The following ANKS1B variants were observed in gnomAD, a reference collection of about 807,000 sequenced individuals.
The protein encoded by ANKS1B is ankyrin repeat and sterile alpha motif domain containing 1B.
ANKS1B carries 36 observed loss-of-function variants against 148.3 expected under a neutral mutation model. The observed-to-expected ratio is 0.24, with a 90% CI of 0.19 to 0.32. The LOEUF (loss-of-function observed/expected upper bound fraction) is 0.32. Ranked by LOEUF, ANKS1B falls within the 10% of genes least tolerant of loss-of-function variation. The probability of loss-of-function intolerance (pLI) is 1.00; values close to 1 mark genes in which losing one functional copy is unlikely to be tolerated. For synonymous variants in ANKS1B, 542 were observed against 560.8 expected, an observed-to-expected ratio of 0.97 and a Z score of 0.47; for missense variants, 1,157 against 1,542.6, an observed-to-expected ratio of 0.75 and a Z score of 4.19.
intron 10 of ANKS1B, among the ~76,000 whole-genome samples, chr12:99,453,134 C>CA (rs1391063785): frequency 4.0e-5 from 6 of 151,844 alleles, no homozygotes; most frequent in Admixed American, 2.6e-4. Flanking sequence ...ACTAAAAATA[C>CA]AAAAAATTAG....
At chr12:99,853,238 G>A (rs772300824) in intron 1 of ANKS1B, among the ~76,000 whole-genome samples, 2 of 152,074 alleles carry the variant, frequency 1.3e-5, no homozygotes, top group Non-Finnish European at 2.9e-5. Context: ...GAGCTGATGC[G>A]CTCTTGAAAG....
chr12:99,338,534 G>C (rs960406274), intron 12 of ANKS1B, among the ~76,000 whole-genome samples: 1 of 152,148 alleles, frequency 6.6e-6, no homozygotes, highest in Non-Finnish European at 1.5e-5. Context: ...TGACCAAGCT[G>C]GTGCCCAAGC....
intron 1 of ANKS1B, among the ~76,000 whole-genome samples, chr12:99,888,387 CAA>C (rs2092931267): frequency 6.6e-6 from 1 of 152,174 alleles, no homozygotes; most frequent in African/African-American, 2.4e-5. Context: ...CTCACACACA[CAA>C]AGACAAAATA....
At chr12:99,427,349 C>T (rs936137302) in intron 11 of ANKS1B, among the ~76,000 whole-genome samples, 1 of 152,174 alleles carries the variant, frequency 6.6e-6, no homozygotes, top group Non-Finnish European at 1.5e-5. Context: ...TGCATGCCTT[C>T]TGTCTGTTCC....
Position 99,806,710 on chromosome 12 carries a change from A to G in ANKS1B, c.373-10T>C. The G allele has an allele frequency of 1.3e-6, 2 of 1,587,164 alleles. No homozygotes were observed. Among genetic ancestry groups the G allele is most frequent in the Non-Finnish European group, 1.7e-6 (2 of 1,162,046 alleles). Reference sequence around the variant, plus strand: ...TTTCATTTTCATTGTTCTAAGACAAAGATTTTTAAAAAGGCACATTTTCAG... The same window carrying G: ...TTTCATTTTCATTGTTCTAAGACAAGGATTTTTAAAAAGGCACATTTTCAG... On this transcript the variant is annotated splice_polypyrimidine_tract_variant and intron_variant, in intron 3 of 26. Coordinates refer to ENST00000683438, the MANE Select transcript of ANKS1B (RefSeq NM_001352186.2).
At chr12:99,297,347 T>A (rs1427650163) in intron 12 of ANKS1B, among the ~76,000 whole-genome samples, 1 of 152,190 alleles carries the variant, frequency 6.6e-6, no homozygotes, top group African/African-American at 2.4e-5. Flanking sequence ...TAAGATTTTA[T>A]CCTTAATGAG....
chr12:98,887,524 T>C (rs1474700773), intron 17 of ANKS1B, among the ~76,000 whole-genome samples: 1 of 152,182 alleles, frequency 6.6e-6, no homozygotes, highest in Non-Finnish European at 1.5e-5. Flanking sequence ...TAAGGGAAAA[T>C]AATAACTCCC....
At chr12:98,850,381 T>G (rs58046025) in intron 17 of ANKS1B, among the ~76,000 whole-genome samples, 1 of 151,694 alleles carries the variant, frequency 6.6e-6, no homozygotes, top group Non-Finnish European at 1.5e-5. Context: ...GGATAAAAAT[T>G]TGGGCAGATG....
chr12:99,781,957 T>C, intron 5 of ANKS1B, 65 bp downstream of exon 5: 2 of 1,385,984 alleles, frequency 1.4e-6, no homozygotes, highest in Non-Finnish European at 2.0e-6. Flanking sequence ...CATTTTCCTT[T>C]GTCTATTCCC....
intron 10 of ANKS1B, among the ~76,000 whole-genome samples, chr12:99,467,036 C>T (rs1001379285): frequency 3.3e-5 from 5 of 152,258 alleles, no homozygotes; most frequent in African/African-American, 1.2e-4. Context: ...TGCAAAAATC[C>T]TCAATTAAAT....
chr12:98,746,794 T>C (rs2097904487), intron 26 of ANKS1B, among the ~76,000 whole-genome samples: 3 of 152,192 alleles, frequency 2.0e-5, no homozygotes, highest in Non-Finnish European at 4.4e-5. Flanking sequence ...CAGCAAGTAT[T>C]TGCCTGAAGA....
intron 7 of ANKS1B, 27 bp from the exon 8 acceptor site, chr12:99,773,115 T>C (rs561257392): frequency 1.3e-6 from 2 of 1,575,780 alleles, no homozygotes; most frequent in East Asian, 4.5e-5. Flanking sequence ...TTCAGAAGTT[T>C]CAAGAAAGGC....
At chr12:99,407,673 C>T (rs1174845096) in intron 11 of ANKS1B, among the ~76,000 whole-genome samples, 1 of 145,898 alleles carries the variant, frequency 6.9e-6, no homozygotes, top group East Asian at 1.9e-4. Context: ...ACAAAATCAA[C>T]ATACAAAAAC....
chr12:99,472,525 CA>C (rs1159726173), intron 10 of ANKS1B, among the ~76,000 whole-genome samples: 2 of 152,006 alleles, frequency 1.3e-5, no homozygotes, highest in African/African-American at 4.8e-5. Context: ...GTTGTTGTAA[CA>C]AAAATTGGAT....
intron 12 of ANKS1B, among the ~76,000 whole-genome samples, chr12:99,358,529 C>G (rs1012827076): frequency 1.3e-5 from 2 of 152,184 alleles, no homozygotes; most frequent in East Asian, 1.9e-4. Context: ...TAATTCATTA[C>G]ATTTTCATAT....
At chr12:99,081,428 C>G (rs1346686473) in intron 16 of ANKS1B, among the ~76,000 whole-genome samples, 1 of 152,112 alleles carries the variant, frequency 6.6e-6, no homozygotes, top group Non-Finnish European at 1.5e-5. Context: ...GACATTTTGT[C>G]CGTTTTCTGG....
At position 98,801,089 on chromosome 12, in the gene ANKS1B, G is replaced by A; in HGVS notation, c.3178C>T (p.Pro1060Ser). Reference protein sequence around the residue: ...DWGEPSITLRPPNEATASTPV... With the variant: ...DWGEPSITLRSPNEATASTPV... ...GTAGAGGCTGTGGCTTCATTCGGAG[G>A]TCGCAAGGTAATGGAAGGTTCTCCC... The change falls in exon 21 of 27, where the codon CCT (proline) becomes TCT (serine). Residue 1060 changes from proline (P) to serine (S), a missense_variant. Pro to Ser is a moderately conservative substitution (Grantham distance 74). This residue lies in a region of ANKS1B where 258 missense variants were observed against 497.0 expected (regional missense o/e 0.52). Coordinates refer to ENST00000683438, the MANE Select transcript of ANKS1B (RefSeq NM_001352186.2). This position sits in a 1 kb window ranked among gnomAD's most constrained non-coding sequence, Gnocchi z 5.2. The A allele has an allele frequency of 6.2e-7, 1 of 1,612,780 alleles. No homozygotes were observed. The highest frequency in any genetic ancestry group is 8.5e-7 in the Non-Finnish European group (1 of 1,179,428).
At chr12:99,684,717 T>C (rs760652536) in intron 8 of ANKS1B, among the ~76,000 whole-genome samples, 4 of 152,100 alleles carry the variant, frequency 2.6e-5, no homozygotes, top group Non-Finnish European at 5.9e-5. Context: ...TTGGTACAGG[T>C]ATTAAAAATA....
intron 1 of ANKS1B, among the ~76,000 whole-genome samples, chr12:99,914,529 G>GA (rs906628676): frequency 6.6e-6 from 1 of 152,160 alleles, no homozygotes; most frequent in African/African-American, 2.4e-5. Context: ...GTAAAAGTCA[G>GA]AAAAACTCCA....
Sources: gnomAD v4.1 joint callset for allele counts (sites outside exome capture counted in the v4.1 genomes callset) on GRCh38, gnomAD v4.1.1 for gene constraint, gnomAD v4.1.1 regional missense constraint, Gnocchi (gnomAD v3.1) non-coding constraint, MANE v1.5 for transcripts, NCBI Gene and HGNC (gene_info 2026-07-23, HGNC 2026-07-21) for gene names.